Variants in SIPA1L1 observed in about 807,000 individuals in gnomAD.
SIPA1L1 encodes the protein signal induced proliferation associated 1 like 1, also known as signal-induced proliferation-associated 1-like protein 1.
Under a neutral mutation model 162.7 loss-of-function variants are expected in SIPA1L1, and 26 were observed. The ratio of observed to expected loss-of-function variants is 0.16; its 90% CI spans 0.12 to 0.22. SIPA1L1 has a LOEUF of 0.22. Among genes scored for constraint, SIPA1L1 ranks in the 10% least tolerant of loss-of-function variants. The probability of loss-of-function intolerance (pLI) is 1.00; values close to 1 mark genes in which losing one functional copy is unlikely to be tolerated. For synonymous variants in SIPA1L1, 829 were observed against 837.4 expected (o/e 0.99, Z 0.17); for missense variants, 1,874 against 2,241.0 (o/e 0.84, Z 3.31).
At chr14:71,430,207 A>G (rs1285818042) in intron 2 of SIPA1L1, among the ~76,000 whole-genome samples, 1 of 152,180 alleles carries the variant, frequency 6.6e-6, no homozygotes, top group Non-Finnish European at 1.5e-5. Flanking sequence ...TTTCCCTTAA[A>G]GGACTGTTGG....
chr14:71,495,489 C>A (rs2049670047), intron 2 of SIPA1L1, among the ~76,000 whole-genome samples: 1 of 151,166 alleles, frequency 6.6e-6, no homozygotes, highest in Non-Finnish European at 1.5e-5. Flanking sequence ...CTCATTTATT[C>A]CTGATTTTGG....
chr14:71,719,831 A>T, intron 17 of SIPA1L1, among the ~76,000 whole-genome samples: 1 of 152,124 alleles, frequency 6.6e-6, no homozygotes, highest in Non-Finnish European at 1.5e-5. Context: ...CTTCAAATTT[A>T]CCGAAAAGTT....
intron 2 of SIPA1L1, among the ~76,000 whole-genome samples, chr14:71,482,964 A>G (rs903168459): frequency 1.3e-5 from 2 of 152,172 alleles, no homozygotes; most frequent in East Asian, 3.8e-4. Context: ...ATAGTCAGCC[A>G]GACAACTTGG....
At chr14:71,613,812 A>G (rs529866663) in intron 5 of SIPA1L1, among the ~76,000 whole-genome samples, 40 of 152,332 alleles carry the variant, frequency 2.6e-4, no homozygotes, top group African/African-American at 8.7e-4. Context: ...AAACAAATTT[A>G]AAGTGCTACA....
rs558119527 is a variant in SIPA1L1, at chr14:71,724,218, G to A, written c.4448+332G>A. On this transcript the variant is annotated intron_variant, in intron 18 of 23. Coordinates refer to ENST00000381232, the MANE Select transcript of SIPA1L1 (RefSeq NM_001386936.1). Reference sequence around the variant, plus strand: ...TGATTATATTAATCACAGCCTTCCTGTGTAATTCTTAACTAGGCCAGTAGG... The same window carrying A: ...TGATTATATTAATCACAGCCTTCCTATGTAATTCTTAACTAGGCCAGTAGG... 3.0e-4 allele frequency among the ~76,000 whole-genome samples: 46 copies of A among 152,282 alleles called. 1 individual carries two copies. In the South Asian group the frequency reaches 9.3e-3, roughly 31 times the overall value.
In SIPA1L1 at chr14:71,577,379, A is replaced by AT. The variant is rs539375533; in HGVS notation, c.-302-10177dup. Among the ~76,000 whole-genome samples the AT allele has an allele frequency of 5.2e-3, 722 of 139,146 alleles. 3 individuals carry two copies. Among genetic ancestry groups the AT allele is most frequent in the Middle Eastern group, 0.019 (5 of 262 alleles). 91.3% of individuals were successfully genotyped at this position (139,146 alleles called of 152,430 possible). A position where few individuals can be genotyped will look rare whatever the true frequency, so the allele number is the denominator to read the frequency against. On this transcript the variant is annotated intron_variant, in intron 4 of 23. Transcript: ENST00000381232. ...AGAGCCTGCTATATAGTGAGCACTT[A>AT]TTTTTTTTTTTTTTTGGAGACAAAT...
intron 2 of SIPA1L1, chr14:71,321,883 A>C (rs1212146144): frequency 6.6e-6 from 1 of 152,216 alleles, no homozygotes; most frequent in African/African-American, 2.4e-5. Flanking sequence ...TTTGGAGAAC[A>C]GAGAGACATG....
At chr14:71,718,586 G>C (rs1341788420) in intron 17 of SIPA1L1, among the ~76,000 whole-genome samples, 4 of 152,214 alleles carry the variant, frequency 2.6e-5, no homozygotes, top group Non-Finnish European at 5.9e-5. Context: ...GGAGGCTGAG[G>C]CTATAGTGAG....
chr14:71,553,200 G>A (rs547988538), intron 4 of SIPA1L1, among the ~76,000 whole-genome samples: 54 of 152,266 alleles, frequency 3.5e-4, no homozygotes, highest in African/African-American at 1.3e-3. Flanking sequence ...GGTGAATGTA[G>A]CAGATTTTTA....
intron 2 of SIPA1L1, among the ~76,000 whole-genome samples, chr14:71,443,092 A>T (rs1226188862): frequency 1.2e-4 from 19 of 152,234 alleles, no homozygotes; most frequent in Admixed American, 1.2e-3. Context: ...TGTTGGAACC[A>T]GTTTACAGTA....
At chr14:71,686,931 A>G (rs2080910992) in intron 13 of SIPA1L1, among the ~76,000 whole-genome samples, 1 of 152,212 alleles carries the variant, frequency 6.6e-6, no homozygotes, top group South Asian at 2.1e-4. Flanking sequence ...GGTGCTGAGG[A>G]AAACGGTTCC....
intron 5 of SIPA1L1, among the ~76,000 whole-genome samples, chr14:71,612,164 G>A (rs571130824): frequency 6.6e-6 from 1 of 152,208 alleles, no homozygotes; most frequent in Admixed American, 6.5e-5. Flanking sequence ...GGGAAAAATG[G>A]AAAAGATTTT....
chr14:71,379,839 A>G (rs2039742922), intron 2 of SIPA1L1, among the ~76,000 whole-genome samples: 2 of 152,210 alleles, frequency 1.3e-5, no homozygotes, highest in African/African-American at 2.4e-5. Context: ...ATTGAGCAGT[A>G]TTTTATACAT....
intron 13 of SIPA1L1, among the ~76,000 whole-genome samples, chr14:71,698,087 C>T (rs1263490039): frequency 6.6e-6 from 1 of 152,168 alleles, no homozygotes; most frequent in Non-Finnish European, 1.5e-5. Context: ...GAAATGACCT[C>T]CCCTGCTACA....
Position 71,444,301 on chromosome 14 carries a change from A to G in SIPA1L1, c.-464-68442A>G, listed in dbSNP as rs1367580395. Among the ~76,000 whole-genome samples the G allele has an allele frequency of 2.6e-5, 4 of 152,338 alleles. No individual in the cohort carries two copies. In the East Asian group the frequency reaches 7.7e-4, roughly 29 times the overall value. ...CCCTTCCCACCTCTCTGTGAACACA[A>G]AGAATGATTTCATTTACTTCAATGA... On this transcript the variant is annotated intron_variant, in intron 2 of 23. Transcript: ENST00000381232.
At chr14:71,412,925 A>G (rs2042508286) in intron 2 of SIPA1L1, among the ~76,000 whole-genome samples, 1 of 152,212 alleles carries the variant, frequency 6.6e-6, no homozygotes, top group Non-Finnish European at 1.5e-5. Context: ...TTCATAGGAA[A>G]TACAACCATG....
At chr14:71,321,308 GTTTGATTTTCGAT>G (rs1351317206) in intron 2 of SIPA1L1, 127 bp downstream of exon 2, 1 of 152,292 alleles carries the variant, frequency 6.6e-6, no homozygotes, top group East Asian at 1.9e-4. Flanking sequence ...GCCGGTTAAA[GTTTGATTTTCGAT>G]TTGGTGGCTT....
chr14:71,499,593 C>T (rs949552029), intron 2 of SIPA1L1, among the ~76,000 whole-genome samples: 2 of 151,822 alleles, frequency 1.3e-5, no homozygotes, highest in African/African-American at 4.8e-5. Context: ...CTTTATTTTC[C>T]TCAGTTATTT....
intron 16 of SIPA1L1, among the ~76,000 whole-genome samples, chr14:71,707,682 T>C (rs1379955373): frequency 6.6e-6 from 1 of 152,250 alleles, no homozygotes; most frequent in Non-Finnish European, 1.5e-5. Flanking sequence ...GGATATACCC[T>C]ATTTTTTAAT....
Sources: allele counts gnomAD v4.1 joint callset (sites outside exome capture counted in the v4.1 genomes callset), GRCh38; gene constraint gnomAD v4.1.1; transcripts MANE v1.5; gene names NCBI Gene and HGNC (gene_info 2026-07-23, HGNC 2026-07-21).